Variants in ENAM observed in about 807,000 individuals in gnomAD.
ENAM encodes amelogenesis imperfecta 2, hypocalcification (autosomal dominant).
In ENAM, 21 loss-of-function variants were observed where a neutral mutation model predicts 33.6. That is an observed-to-expected ratio of 0.63 (90% CI 0.44 to 0.90). The LOEUF (loss-of-function observed/expected upper bound fraction) is 0.90, where lower values mean the gene tolerates loss of function less well. Among genes scored for constraint, ENAM ranks in the 40% least tolerant of loss-of-function variants. ENAM has a pLI of 0.00. For synonymous variants in ENAM, 473 were observed against 468.4 expected, an observed-to-expected ratio of 1.01 and a Z score of -0.13; for missense variants, 1,388 against 1,366.9, an observed-to-expected ratio of 1.02 and a Z score of -0.24.
chr4:70,632,798 A>G (rs2109820126), intron 5 of ENAM, 106 bp downstream of exon 5: 1 of 833,252 alleles, frequency 1.2e-6, no homozygotes, highest in Non-Finnish European at 2.1e-6. Context: ...TGTTTTAAGT[A>G]TAATGTAATC....
At chr4:70,631,583 C>A in intron 2 of ENAM, 87 bp from the exon 3 acceptor site, 2 of 984,334 alleles carry the variant, frequency 2.0e-6, no homozygotes, top group Non-Finnish European at 3.3e-6. Context: ...CCTTGACAGA[C>A]AAGTAGGCTA....
In ENAM at chr4:70,645,840, C is replaced by A. The variant is rs182854472; in HGVS notation, c.*985C>A. 1 of 151,982 alleles carries A rather than the reference C, an allele frequency of 6.6e-6. No homozygotes were observed. The highest frequency in any genetic ancestry group is 1.9e-4 in the East Asian group (1 of 5,184). The allele number at this position is 151,982 out of a possible 1,614,324, so 9.4% of individuals were successfully genotyped here. A position where few individuals can be genotyped will look rare whatever the true frequency, so the allele number is the denominator to read the frequency against. On this transcript the variant is annotated 3_prime_UTR_variant, in exon 9 of 9. Transcript: ENST00000396073. ...AGTAGACACAGTTCAGTTAGAGAGACGTATTTAAGGAGAAGGGAAGGCAGG... is the reference window on the plus strand; with the variant it reads ...AGTAGACACAGTTCAGTTAGAGAGAAGTATTTAAGGAGAAGGGAAGGCAGG...
chr4:70,632,555 G>A (rs1220714859), intron 4 of ENAM, 96 bp from the exon 5 acceptor site: 2 of 957,346 alleles, frequency 2.1e-6, no homozygotes, highest in Admixed American at 3.4e-5. Flanking sequence ...AAGTTCTAAG[G>A]TTAAAAAAAG....
chr4:70,643,282 C>A lies in ENAM; in HGVS notation c.1856C>A (p.Thr619Lys). Reference sequence around the variant, plus strand: ...AACTCACCATACCTTAGAGGCAATACATGGGATGAGAGAGATGATTCTCCC... The same window carrying A: ...AACTCACCATACCTTAGAGGCAATAAATGGGATGAGAGAGATGATTCTCCC... ...RENSPYLRGN[T>K]WDERDDSPNT... Residue 619 changes from threonine to lysine, a missense_variant, in exon 9 of 9, where the codon ACA (threonine) becomes AAA (lysine). Coordinates refer to ENST00000396073, the MANE Select transcript of ENAM (RefSeq NM_031889.3). 6.2e-7 allele frequency: 1 copy of A among 1,614,050 alleles called. No homozygotes were observed. Among genetic ancestry groups the A allele is most frequent in the East Asian group, 2.2e-5 (1 of 44,882 alleles).
In ENAM at chr4:70,644,246, A is replaced by G; in HGVS notation, c.2820A>G (p.Glu940=). The G allele has an allele frequency of 6.2e-7, 1 of 1,614,176 alleles. No individual in the cohort carries two copies. Among genetic ancestry groups the G allele is most frequent in the Non-Finnish European group, 8.5e-7 (1 of 1,180,014 alleles). ...PGQRNSSEKR[E]SQNPFRDDVS... ...AAAGAAACAGCTCAGAGAAGAGGGA[A>G]AGCCAAAACCCTTTTAGAGATGATG... is the stretch of plus-strand genomic sequence containing the variant. Residue 940 remains glutamate (E), a synonymous_variant, in exon 9 of 9, where the codon GAA becomes GAG. Coordinates refer to ENST00000396073, the MANE Select transcript of ENAM (RefSeq NM_031889.3).
At position 70,642,729 on chromosome 4, in the gene ENAM, A is replaced by C. The variant is rs1382129426; in HGVS notation, c.1303A>C (p.Asn435His). Residue 435 changes from asparagine (N) to histidine (H), a missense_variant, in exon 9 of 9, where the codon AAT (asparagine) becomes CAT (histidine). Physicochemically the swap from Asn to His is moderately conservative, Grantham distance 68. Transcript: ENST00000396073. ...GPVVRNEKIQ[N>H]PKEKPLGPKE... is the part of the protein sequence containing the mutation. ...TGTTGTTCGCAATGAAAAAATCCAAAATCCAAAGGAGAAGCCCCTGGGTCC... is the reference window on the plus strand; with the variant it reads ...TGTTGTTCGCAATGAAAAAATCCAACATCCAAAGGAGAAGCCCCTGGGTCC... The C allele has an allele frequency of 6.2e-7, 1 of 1,604,226 alleles. No individual in the cohort carries two copies. Among genetic ancestry groups the C allele is most frequent in the Non-Finnish European group, 8.5e-7 (1 of 1,176,642 alleles).
In ENAM at chr4:70,644,337, C is replaced by G. The variant is rs867951574; in HGVS notation, c.2911C>G (p.Pro971Ala). ...KNQLGQKEIM[P>A]FPEASSLQSK... is the part of the protein sequence containing the mutation. ...TCAACTGGGCCAAAAGGAAATTATG[C>G]CCTTTCCTGAAGCCAGTTCCCTTCA... The change falls in exon 9 of 9, where the codon CCC becomes GCC. Residue 971 changes from proline to alanine, a missense_variant. Transcript: ENST00000396073. The G allele has an allele frequency of 1.2e-6, 2 of 1,614,062 alleles. No individual in the cohort carries two copies. The highest frequency in any genetic ancestry group is 2.7e-5 in the African/African-American group (2 of 74,928).
At chr4:70,637,387 G>A (rs116294886) in intron 7 of ENAM, among the ~76,000 whole-genome samples, 1,881 of 152,218 alleles carry the variant, frequency 0.012, 46 homozygotes, top group African/African-American at 0.043. Context: ...ATTATTAGAT[G>A]TTCTAATATG....
In ENAM at chr4:70,642,052, G is replaced by A. The variant is rs1560403666; in HGVS notation, c.626G>A (p.Gly209Glu). ...YFGYFGYHGF[G>E]GRPPYYSEEM... The stretch of plus-strand genomic sequence containing the variant: ...GGATATTTTGGATATCATGGCTTTG[G>A]GGGTCGCCCTCCTTATTATTCAGAA... The change falls in exon 9 of 9, where the codon GGG becomes GAG. Residue 209 changes from glycine (G) to glutamate (E), a missense_variant. Transcript: ENST00000396073. 1.2e-6 allele frequency: 2 copies of A among 1,613,720 alleles called. No homozygotes were observed. Among genetic ancestry groups the A allele is most frequent in the Admixed American group, 1.7e-5 (1 of 59,986 alleles).
At chr4:70,635,990 C>T (rs1046604247) in intron 7 of ENAM, 96 bp downstream of exon 7, 4 of 657,624 alleles carry the variant, frequency 6.1e-6, no homozygotes, top group African/African-American at 1.8e-5. Flanking sequence ...AATGGAATAC[C>T]ATATACCAAT....
chr4:70,636,133 C>A (rs1021041428), intron 7 of ENAM, among the ~76,000 whole-genome samples: 3 of 152,014 alleles, frequency 2.0e-5, no homozygotes, highest in African/African-American at 7.2e-5. Flanking sequence ...AATAAATTAG[C>A]TAATAAATTA....
chr4:70,641,907 A>T, intron 8 of ENAM, 108 bp from the exon 9 acceptor site: 1 of 822,964 alleles, frequency 1.2e-6, no homozygotes. Context: ...TAATGATGTT[A>T]AAAGAATCAT....
chr4:70,632,855 C>T (rs1738359821), intron 5 of ENAM, among the ~76,000 whole-genome samples, 163 bp downstream of exon 5: 1 of 152,118 alleles, frequency 6.6e-6, no homozygotes, highest in South Asian at 2.1e-4. Context: ...TATCCTCTCA[C>T]ACCAAATTTT....
In ENAM at chr4:70,645,238, T is replaced by C; in HGVS notation, c.*383T>C. On this transcript the variant is annotated 3_prime_UTR_variant, in exon 9 of 9. Transcript: ENST00000396073. ...GCAGATTAACTTTCCATTCTACTTA[T>C]GGAGATCCACACATCAGTATAGTCC... 4 of 270,206 alleles carry C rather than the reference T, an allele frequency of 1.5e-5. No individual in the cohort carries two copies. The highest frequency in any genetic ancestry group is 7.8e-5 in the South Asian group (1 of 12,802). 16.7% of individuals were successfully genotyped at this position (270,206 alleles called of 1,614,324 possible). A position where few individuals can be genotyped will look rare whatever the true frequency, so the allele number is the denominator to read the frequency against.
Position 70,643,502 on chromosome 4 carries a change from CTCAAA to C in ENAM, c.2080_2084del (p.Asn694AlafsTer11), listed in dbSNP as rs781361199. The C allele has an allele frequency of 6.2e-7, 1 of 1,613,962 alleles. No homozygotes were observed. The highest frequency in any genetic ancestry group is 8.5e-7 in the Non-Finnish European group (1 of 1,180,014). ...GGCACTATGAAGGTGAACAATATAC[CTCAAA>C]TCAGCCAAAGGAATATCTTCCCTAT... is the stretch of plus-strand genomic sequence containing the variant. On this transcript the variant is annotated frameshift_variant, in exon 9 of 9. Transcript: ENST00000396073. LOFTEE classifies it low-confidence loss of function (END_TRUNC).
At position 70,643,673 on chromosome 4, in the gene ENAM, T is replaced by C; in HGVS notation, c.2247T>C (p.Asn749=). The C allele has an allele frequency of 1.2e-6, 2 of 1,614,124 alleles. No homozygotes were observed. Among genetic ancestry groups the C allele is most frequent in the Non-Finnish European group, 1.7e-6 (2 of 1,180,004 alleles). Residue 749 remains asparagine (N), a synonymous_variant, in exon 9 of 9, where the codon AAT becomes AAC. Transcript: ENST00000396073. ...PPIESRGYYV[N]NAAGPEESTL... is the part of the protein sequence containing the mutation. ...TAGAGAGCAGGGGCTACTACGTTAA[T>C]AATGCCGCTGGACCAGAAGAAAGCA... is the stretch of plus-strand genomic sequence containing the variant.
intron 7 of ENAM, among the ~76,000 whole-genome samples, chr4:70,637,310 T>C (rs1489965563): frequency 1.3e-5 from 2 of 152,214 alleles, no homozygotes; most frequent in Non-Finnish European, 2.9e-5. Context: ...TCAAGGATTG[T>C]CAGTTTGGAG....
intron 5 of ENAM, 35 bp downstream of exon 5, chr4:70,632,727 T>C: frequency 7.0e-7 from 1 of 1,437,682 alleles, no homozygotes; most frequent in Non-Finnish European, 9.8e-7. Context: ...TGATGATTTC[T>C]TGTTTATCTA....
In ENAM at chr4:70,635,709, C is replaced by T. The variant is rs2109821663; in HGVS notation, c.472-123C>T. 3 of 703,964 alleles carry T rather than the reference C, an allele frequency of 4.3e-6. No individual in the cohort carries two copies. In the East Asian group the frequency reaches 7.6e-5, roughly 18 times the overall value. The allele number at this position is 703,964 out of a possible 1,614,324, so 43.6% of individuals were successfully genotyped here. A position where few individuals can be genotyped will look rare whatever the true frequency, so the allele number is the denominator to read the frequency against. ...ATTATCGTCTTTGCCCTATAAAAAA[C>T]ACAGAGTTTAATGCAAAGGGAGATG... On this transcript the variant is annotated intron_variant, in intron 6 of 8. Coordinates refer to ENST00000396073, the MANE Select transcript of ENAM (RefSeq NM_031889.3).
Sources: gnomAD v4.1 joint callset for allele counts (sites outside exome capture counted in the v4.1 genomes callset) on GRCh38, gnomAD v4.1.1 for gene constraint, MANE v1.5 for transcripts, NCBI Gene and HGNC (gene_info 2026-07-23, HGNC 2026-07-21) for gene names.